Variants in PRKCE observed in about 807,000 individuals in gnomAD.
PRKCE encodes the protein protein kinase C epsilon.
A neutral mutation model predicts 85.4 loss-of-function variants in PRKCE; 16 were observed. That is an observed-to-expected ratio of 0.19 (90% CI 0.13 to 0.28). PRKCE has a LOEUF of 0.28. Among genes scored for constraint, PRKCE ranks in the 10% least tolerant of loss-of-function variants. The pLI, the probability that PRKCE is intolerant of heterozygous loss-of-function variation, is 1.00. For missense variants in PRKCE, 573 were observed against 975.2 expected (o/e 0.59, Z 5.49); for synonymous variants, 388 against 371.5 (o/e 1.04, Z -0.51).
At chr2:46,059,702 C>T (rs1666927757) in intron 10 of PRKCE, among the ~76,000 whole-genome samples, 1 of 152,042 alleles carries the variant, frequency 6.6e-6, no homozygotes, top group African/African-American at 2.4e-5. Flanking sequence ...AGCTGCTTGG[C>T]AGGCTGAGGG....
intron 2 of PRKCE, among the ~76,000 whole-genome samples, chr2:45,919,432 C>G (rs1413070647): frequency 6.6e-6 from 1 of 152,240 alleles, no homozygotes; most frequent in Non-Finnish European, 1.5e-5. Flanking sequence ...GCCTTCTGCC[C>G]TCTGGCCTCT....
At chr2:46,032,524 C>T (rs1433136692) in intron 10 of PRKCE, among the ~76,000 whole-genome samples, 1 of 152,188 alleles carries the variant, frequency 6.6e-6, no homozygotes. Context: ...TGGTTGTCCC[C>T]AGTTGTACAG....
At chr2:45,772,769 C>T (rs1218806714) in intron 1 of PRKCE, among the ~76,000 whole-genome samples, 1 of 151,982 alleles carries the variant, frequency 6.6e-6, no homozygotes, top group Non-Finnish European at 1.5e-5. Flanking sequence ...GGAAGGTGGT[C>T]AGGGAGTGTA....
At chr2:45,716,574 A>G (rs1239602103) in intron 1 of PRKCE, among the ~76,000 whole-genome samples, 2 of 151,364 alleles carry the variant, frequency 1.3e-5, no homozygotes, top group African/African-American at 4.9e-5. Context: ...AAAGAAAGGA[A>G]GAAAGGAAGA....
intron 11 of PRKCE, among the ~76,000 whole-genome samples, chr2:46,108,930 G>C (rs747615787): frequency 1.3e-5 from 2 of 150,718 alleles, no homozygotes; most frequent in Non-Finnish European, 3.0e-5. Flanking sequence ...ATGTCCAGTT[G>C]TTCAAGCACC....
At chr2:45,843,155 TAGTGACATTTA>T (rs1393741221) in intron 2 of PRKCE, 92 bp downstream of exon 2, 5 of 1,110,094 alleles carry the variant, frequency 4.5e-6, no homozygotes, top group Non-Finnish European at 6.8e-6. Context: ...GAACACATTA[TAGTGACATTTA>T]ATTAATTGGC....
intron 1 of PRKCE, among the ~76,000 whole-genome samples, chr2:45,790,900 TG>T (rs1196728099): frequency 6.6e-6 from 1 of 152,168 alleles, no homozygotes; most frequent in African/African-American, 2.4e-5. Flanking sequence ...GGGAATGTGG[TG>T]GCACAACTAT....
intron 1 of PRKCE, among the ~76,000 whole-genome samples, chr2:45,680,951 A>C (rs551618625): frequency 6.6e-6 from 1 of 152,110 alleles, no homozygotes; most frequent in East Asian, 1.9e-4. Context: ...GAGATTTAAA[A>C]CTCTAGTAAC....
chr2:45,931,665 CAT>C (rs1181340895), intron 2 of PRKCE, among the ~76,000 whole-genome samples: 3 of 152,132 alleles, frequency 2.0e-5, no homozygotes, highest in African/African-American at 4.8e-5. Context: ...ATTAAAGTAA[CAT>C]AGACACACAG....
intron 2 of PRKCE, among the ~76,000 whole-genome samples, chr2:45,926,286 G>C (rs187700441): frequency 1.3e-5 from 2 of 152,196 alleles, no homozygotes; most frequent in African/African-American, 2.4e-5. Flanking sequence ...ATGGGCAGAG[G>C]GGGGAATCAG....
intron 11 of PRKCE, among the ~76,000 whole-genome samples, chr2:46,103,148 A>T (rs1360109969): frequency 6.6e-6 from 1 of 152,252 alleles, no homozygotes; most frequent in Non-Finnish European, 1.5e-5. Context: ...ATTTTGGGTT[A>T]TAATTCAATA....
chr2:46,134,613 G>A (rs1287237772), intron 11 of PRKCE, among the ~76,000 whole-genome samples: 1 of 152,228 alleles, frequency 6.6e-6, no homozygotes, highest in Non-Finnish European at 1.5e-5. Context: ...TCTTTCACGG[G>A]CTCCAGCTGC....
chr2:46,021,401 A>G (rs1228629535), intron 10 of PRKCE, among the ~76,000 whole-genome samples: 2 of 152,184 alleles, frequency 1.3e-5, no homozygotes, highest in Non-Finnish European at 1.5e-5. Flanking sequence ...AAGCAGAGAT[A>G]TCTGTGAGCA....
At chr2:45,691,168 G>A (rs551234434) in intron 1 of PRKCE, among the ~76,000 whole-genome samples, 1 of 152,198 alleles carries the variant, frequency 6.6e-6, no homozygotes, top group Non-Finnish European at 1.5e-5. Flanking sequence ...AGCTGTGTCC[G>A]TCAGTGGGCT....
intron 2 of PRKCE, among the ~76,000 whole-genome samples, chr2:45,927,060 T>C (rs1445965569): frequency 2.0e-5 from 3 of 151,722 alleles, no homozygotes; most frequent in Admixed American, 6.6e-5. Flanking sequence ...GTGAGAATTA[T>C]AGAATGTGCA....
At chr2:45,790,877 G>C (rs574643305) in intron 1 of PRKCE, among the ~76,000 whole-genome samples, 1 of 152,324 alleles carries the variant, frequency 6.6e-6, no homozygotes, top group East Asian at 1.9e-4. Flanking sequence ...GATGGTGCTG[G>C]TGGTGGTAAG....
At chr2:45,956,613 A>G (rs1700993403) in intron 2 of PRKCE, among the ~76,000 whole-genome samples, 1 of 152,074 alleles carries the variant, frequency 6.6e-6, no homozygotes, top group Non-Finnish European at 1.5e-5. Flanking sequence ...TGAACCCGGG[A>G]GGCGGAGGTT....
chr2:45,666,612 G>A (rs1294021858), intron 1 of PRKCE, among the ~76,000 whole-genome samples: 1 of 151,844 alleles, frequency 6.6e-6, no homozygotes, highest in Non-Finnish European at 1.5e-5. Flanking sequence ...TTCTCTTTGG[G>A]CGATCATTCC....
intron 1 of PRKCE, among the ~76,000 whole-genome samples, chr2:45,698,565 C>G (rs1315968742): frequency 6.9e-6 from 1 of 144,236 alleles, no homozygotes; most frequent in Non-Finnish European, 1.5e-5. Flanking sequence ...CAACAGTGAG[C>G]ACAGAAAAAA....
Sources: allele counts gnomAD v4.1 joint callset (sites outside exome capture counted in the v4.1 genomes callset), GRCh38; gene constraint gnomAD v4.1.1; transcripts MANE v1.5; gene names NCBI Gene and HGNC (gene_info 2026-07-23, HGNC 2026-07-21).